STIL: variants seen among roughly 807,000 people sequenced by gnomAD.
STIL encodes the protein STIL centriolar assembly protein.
In STIL, 55 loss-of-function variants were observed where a neutral mutation model predicts 110.1. The ratio of observed to expected loss-of-function variants is 0.50; its 90% CI spans 0.40 to 0.63. STIL has a LOEUF of 0.63. STIL is among the 20% of genes least tolerant of loss of function. The probability of loss-of-function intolerance (pLI) is 0.00; values close to 1 mark genes in which losing one functional copy is unlikely to be tolerated. For synonymous variants in STIL, 481 were observed against 530.0 expected (o/e 0.91, Z 1.27); for missense variants, 1,358 against 1,530.0 (o/e 0.89, Z 1.87).
intron 3 of STIL, among the ~76,000 whole-genome samples, chr1:47,304,362 T>G (rs1180713204): frequency 6.6e-6 from 1 of 151,958 alleles, no homozygotes; most frequent in East Asian, 1.9e-4. Context: ...CCTGTGTGAT[T>G]ACAGAAAAGC....
intron 2 of STIL, among the ~76,000 whole-genome samples, chr1:47,307,565 G>A (rs1201571637): frequency 6.6e-6 from 1 of 152,008 alleles, no homozygotes; most frequent in Non-Finnish European, 1.5e-5. Context: ...CCTGTCAGCC[G>A]AGAAGGATGT....
chr1:47,289,343 A>G (rs1383347118), intron 9 of STIL, 92 bp downstream of exon 9: 1 of 895,436 alleles, frequency 1.1e-6, no homozygotes, highest in Non-Finnish European at 1.7e-6. Context: ...AGTTTGGATT[A>G]CTATTTTAAA....
chr1:47,265,237 C>CCA (rs746932116), intron 14 of STIL, among the ~76,000 whole-genome samples: 6 of 51,658 alleles, frequency 1.2e-4, no homozygotes, highest in African/African-American at 3.5e-4. Flanking sequence ...CTCCATCTCC[C>CCA]AAAAAAAAAA....
intron 14 of STIL, among the ~76,000 whole-genome samples, chr1:47,263,650 C>T (rs1291898873): frequency 2.0e-5 from 3 of 151,468 alleles, no homozygotes; most frequent in African/African-American, 7.3e-5. Context: ...TCTTTGAAGC[C>T]TGGAAAACAA....
At chr1:47,270,083 A>G (rs577523029) in intron 13 of STIL, among the ~76,000 whole-genome samples, 13 of 152,068 alleles carry the variant, frequency 8.5e-5, no homozygotes, top group African/African-American at 2.9e-4. Context: ...CAAAAAAAAT[A>G]CAAAAAAATT....
rs1644159500 is a variant in STIL at position 47,250,623 on chromosome 1, C to T, written c.*513G>A. ...TCACCTGAGGTCGGGAGTTTGAGAC[C>T]AGCCTGACCAACATGGAGAAACCAG... On this transcript the variant is annotated 3_prime_UTR_variant, in exon 17 of 17. Coordinates refer to ENST00000371877, the MANE Select transcript of STIL (RefSeq NM_001048166.1). 6.3e-6 allele frequency: 1 copy of T among 159,590 alleles called. No individual in the cohort carries two copies. Among genetic ancestry groups the T allele is most frequent in the African/African-American group, 2.4e-5 (1 of 41,580 alleles). 9.9% of individuals were successfully genotyped at this position (159,590 alleles called of 1,614,324 possible). A position where few individuals can be genotyped will look rare whatever the true frequency, so the allele number is the denominator to read the frequency against.
intron 14 of STIL, among the ~76,000 whole-genome samples, chr1:47,268,131 T>C (rs935012169): frequency 4.6e-5 from 7 of 152,202 alleles, no homozygotes; most frequent in Non-Finnish European, 7.3e-5. Flanking sequence ...CTCTTTTATA[T>C]ATAATGGCAA....
chr1:47,272,448 ATTTTT>A (rs60685133), intron 12 of STIL, among the ~76,000 whole-genome samples: 1 of 145,974 alleles, frequency 6.9e-6, no homozygotes, highest in Non-Finnish European at 1.5e-5. Context: ...TAAGTATACT[ATTTTT>A]TTTTTTTTTT....
intron 1 of STIL, among the ~76,000 whole-genome samples, chr1:47,312,556 C>T (rs1343686656): frequency 1.3e-5 from 2 of 152,192 alleles, no homozygotes; most frequent in Non-Finnish European, 2.9e-5. Context: ...TAAAACCCTT[C>T]CTTAGTACTT....
Position 47,262,935 on chromosome 1 carries a change from A to G in STIL, c.2797T>C (p.Ser933Pro), listed in dbSNP as rs765495821. 4 of 1,613,990 alleles carry G rather than the reference A, an allele frequency of 2.5e-6. No individual in the cohort carries two copies. In the African/African-American group the frequency reaches 4.0e-5, roughly 16 times the overall value. Reference sequence around the variant, plus strand: ...TCCTGGTAAATTTTCTGGTTATCTGATGGTTGATGAAGCAAGGGTTGCATT... The same window carrying G: ...TCCTGGTAAATTTTCTGGTTATCTGGTGGTTGATGAAGCAAGGGTTGCATT... ...HVMQPLLHQP[S>P]DNQKIYQDLL... The change falls in exon 15 of 17, where the codon TCA (serine) becomes CCA (proline). Residue 933 changes from serine to proline, a missense_variant. Ser to Pro is a moderately conservative substitution (Grantham distance 74, BLOSUM62 -1). Coordinates refer to ENST00000371877, the MANE Select transcript of STIL (RefSeq NM_001048166.1).
chr1:47,266,695 G>A (rs929659337), intron 14 of STIL, among the ~76,000 whole-genome samples: 7 of 151,980 alleles, frequency 4.6e-5, no homozygotes, highest in East Asian at 1.9e-4. Flanking sequence ...TCCCTTCCAC[G>A]AATTCCACAA....
chr1:47,299,523 A>T (rs1645740932), intron 6 of STIL, among the ~76,000 whole-genome samples: 1 of 151,658 alleles, frequency 6.6e-6, no homozygotes, highest in Admixed American at 6.6e-5. Flanking sequence ...CTCCCGAGTA[A>T]CTGGGACTAC....
chr1:47,304,828 T>C (rs1047056421), intron 3 of STIL, 61 bp downstream of exon 3: 5 of 1,256,400 alleles, frequency 4.0e-6, no homozygotes, highest in African/African-American at 3.0e-5. Flanking sequence ...CTTTGCCTTA[T>C]ACATCTTTGT....
intron 4 of STIL, 136 bp from the exon 5 acceptor site, chr1:47,301,884 T>G (rs1645814648): frequency 4.9e-6 from 4 of 810,528 alleles, no homozygotes; most frequent in Non-Finnish European, 8.0e-6. Context: ...AACTAAACTC[T>G]TACAGTAAAC....
In STIL at chr1:47,302,300, G is replaced by A. The variant is rs542287422; in HGVS notation, c.199C>T (p.Arg67Cys). 31 of 1,614,070 alleles carry A rather than the reference G, an allele frequency of 1.9e-5. No homozygotes were observed. The African/African-American group carries it at 2.7e-4, about 14-fold the overall frequency. ...TTTTTTTTATTCTGCTTAGCATGAC[G>A]ATAAGCAAGTCGGATGGTCTTCTCA... ...VTEKTIRLAY[R>C]HAKQNKKNSS... The change falls in exon 4 of 17, where the codon CGT becomes TGT. Residue 67 changes from arginine (R) to cysteine (C), a missense_variant. Transcript: ENST00000371877.
Position 47,250,999 on chromosome 1 carries a change from G to T in STIL, c.*137C>A, listed in dbSNP as rs1644167521. ...ATCACCAGCCAGCCATCTCACAGAA[G>T]TCACTCTTCCCAATTGGCTGCTACC... On this transcript the variant is annotated 3_prime_UTR_variant, in exon 17 of 17. Coordinates refer to ENST00000371877, the MANE Select transcript of STIL (RefSeq NM_001048166.1). The T allele has an allele frequency of 1.3e-6, 1 of 775,784 alleles. No individual in the cohort carries two copies. Among genetic ancestry groups the T allele is most frequent in the Non-Finnish European group, 2.0e-6 (1 of 494,358 alleles). 48.1% of individuals were successfully genotyped at this position (775,784 alleles called of 1,614,324 possible). A position where few individuals can be genotyped will look rare whatever the true frequency, so the allele number is the denominator to read the frequency against.
At chr1:47,278,734 A>G (rs1011270350) in intron 12 of STIL, among the ~76,000 whole-genome samples, 4 of 152,096 alleles carry the variant, frequency 2.6e-5, no homozygotes, top group African/African-American at 9.7e-5. Context: ...GGGAGGTCAA[A>G]GCAGAAAGAT....
chr1:47,275,363 C>T (rs1644961112), intron 12 of STIL, among the ~76,000 whole-genome samples: 1 of 151,746 alleles, frequency 6.6e-6, no homozygotes, highest in South Asian at 2.1e-4. Flanking sequence ...AATCCCAGCA[C>T]TTTGGGAGGC....
At chr1:47,281,236 A>T in intron 11 of STIL, 27 bp from the exon 12 acceptor site, 1 of 1,602,518 alleles carries the variant, frequency 6.2e-7, no homozygotes, top group Non-Finnish European at 8.5e-7. Context: ...AATAGAAAAA[A>T]AAAGTATTTT....
Sources: allele counts gnomAD v4.1 joint callset (sites outside exome capture counted in the v4.1 genomes callset), GRCh38; gene constraint gnomAD v4.1.1; transcripts MANE v1.5; gene names NCBI Gene and HGNC (gene_info 2026-07-23, HGNC 2026-07-21).